PCDHGA6: variants seen among roughly 807,000 people sequenced by gnomAD.
PCDHGA6 encodes the protein protocadherin gamma-A6.
A neutral mutation model predicts 60.6 loss-of-function variants in PCDHGA6; 41 were observed. That is an observed-to-expected ratio of 0.68 (90% CI 0.53 to 0.88). The LOEUF (loss-of-function observed/expected upper bound fraction) is 0.88, where lower values mean the gene tolerates loss of function less well. Ranked by LOEUF, PCDHGA6 falls within the 40% of genes least tolerant of loss-of-function variation. The pLI is 0.00. For missense variants in PCDHGA6, 1,312 were observed against 1,203.0 expected (o/e 1.09, Z -1.34); for synonymous variants, 594 against 524.4 (o/e 1.13, Z -1.81).
chr5:141,380,065 A>G (rs569464120), intron 1 of PCDHGA6, among the ~76,000 whole-genome samples: 1 of 151,950 alleles, frequency 6.6e-6, no homozygotes, highest in East Asian at 1.9e-4. Context: ...ATGCCTAGCT[A>G]ATTTTCATAC....
At chr5:141,418,072 G>A in intron 1 of PCDHGA6, 1 of 1,614,058 alleles carries the variant, frequency 6.2e-7, no homozygotes, top group Non-Finnish European at 8.5e-7. Context: ...TGAGCGCGGA[G>A]AAGCTGCACT....
At chr5:141,414,481 C>T (rs1011579090) in intron 1 of PCDHGA6, 2 of 1,613,948 alleles carry the variant, frequency 1.2e-6, no homozygotes, top group Non-Finnish European at 1.7e-6. Context: ...AAGTCCTCCT[C>T]TATCAACGGA....
chr5:141,389,850 GC>G (rs757946267), intron 1 of PCDHGA6: 1 of 1,614,070 alleles, frequency 6.2e-7, no homozygotes, highest in Non-Finnish European at 8.5e-7. Context: ...CTCGGCCACT[GC>G]CACGTTGCAC....
rs766885846 is a variant in PCDHGA6 at position 141,393,434 on chromosome 5, TCAC to T, written c.2424+16932_2424+16934del. The stretch of plus-strand genomic sequence containing the variant: ...CCCTGGACAGGGAGGAAGAGGCTGC[TCAC>T]CACCTGGTCCTCACGGCCTCGGATG... On this transcript the variant is annotated intron_variant, in intron 1 of 3. Coordinates refer to ENST00000517434, the MANE Select transcript of PCDHGA6 (RefSeq NM_018919.3). 11 of 1,613,902 alleles carry T rather than the reference TCAC, an allele frequency of 6.8e-6. No individual in the cohort carries two copies. The African/African-American group carries it at 1.2e-4, about 18-fold the overall frequency.
chr5:141,397,199 T>A (rs1317536621), intron 1 of PCDHGA6, among the ~76,000 whole-genome samples: 1 of 152,156 alleles, frequency 6.6e-6, no homozygotes, highest in Non-Finnish European at 1.5e-5. Context: ...GTAAAAGATA[T>A]GACATAAGAG....
intron 1 of PCDHGA6, chr5:141,398,862 C>T (rs771326288): frequency 1.9e-5 from 31 of 1,613,848 alleles, no homozygotes; most frequent in Non-Finnish European, 2.6e-5. Flanking sequence ...TCAACCGAGA[C>T]GTGTACAGAG....
chr5:141,376,685 T>G lies in PCDHGA6; in HGVS notation c.2424+178T>G, dbSNP rs866718563. On this transcript the variant is annotated intron_variant, in intron 1 of 3. Coordinates refer to ENST00000517434, the MANE Select transcript of PCDHGA6 (RefSeq NM_018919.3). The stretch of plus-strand genomic sequence containing the variant: ...TTCAGGTGAGGGTATCGTTTTTTTT[T>G]TTTTTTTTTTTTGAGACGGAGTCTC... The G allele has an allele frequency of 7.7e-4, 627 of 813,788 alleles. 5 individuals carry two copies. In the African/African-American group the frequency reaches 9.6e-3, roughly 12 times the overall value. 50.4% of individuals were successfully genotyped at this position (813,788 alleles called of 1,614,324 possible).
intron 2 of PCDHGA6, among the ~76,000 whole-genome samples, chr5:141,501,052 A>G (rs1007055288): frequency 6.6e-6 from 1 of 151,988 alleles, no homozygotes; most frequent in Non-Finnish European, 1.5e-5. Flanking sequence ...TATTTTTAGT[A>G]GAGACGGGGT....
intron 1 of PCDHGA6, chr5:141,382,935 A>C: frequency 6.3e-7 from 1 of 1,589,148 alleles, no homozygotes; most frequent in Non-Finnish European, 8.6e-7. Flanking sequence ...ACTACAGAGG[A>C]TTCTTCCTGC....
chr5:141,486,828 G>A lies in PCDHGA6; in HGVS notation c.2425-7979G>A, dbSNP rs140257646. 77 of 1,614,218 alleles carry A rather than the reference G, an allele frequency of 4.8e-5. 1 individual carries two copies. In the East Asian group the frequency reaches 1.2e-3, roughly 26 times the overall value. On this transcript the variant is annotated intron_variant, in intron 1 of 3. Transcript: ENST00000517434. This position sits in a 1 kb window ranked among gnomAD's most constrained non-coding sequence, Gnocchi z 5.0. ...CCCCTTAGCAGCACTGTAACAGTTCGTCTATTTGTGCTGGACCTCAATGAC... is the reference window on the plus strand; with the variant it reads ...CCCCTTAGCAGCACTGTAACAGTTCATCTATTTGTGCTGGACCTCAATGAC...
Position 141,493,876 on chromosome 5 carries a change from G to T in PCDHGA6, c.2425-931G>T, listed in dbSNP as rs2099750541. 6.6e-6 allele frequency among the ~76,000 whole-genome samples: 1 copy of T among 152,194 alleles called. No homozygotes were observed. ...CAGCCCACCCCAGAACCAGTGAGGA[G>T]GTGGCTCTAGGAGTGCTCCATGAGA... On this transcript the variant is annotated intron_variant, in intron 1 of 3. Transcript: ENST00000517434. The surrounding 1 kb of genome is among the most constrained non-coding windows in gnomAD (Gnocchi z 4.3).
intron 1 of PCDHGA6, among the ~76,000 whole-genome samples, chr5:141,458,869 A>G (rs2154566384): frequency 6.6e-6 from 1 of 152,264 alleles, no homozygotes; most frequent in East Asian, 1.9e-4. Context: ...AGTAGCTGGG[A>G]CTACAGGCAT....
intron 1 of PCDHGA6, chr5:141,411,845 G>C (rs984420523): frequency 6.6e-6 from 1 of 151,920 alleles, no homozygotes; most frequent in Non-Finnish European, 1.5e-5. Context: ...AGGTGACAGA[G>C]TGAGACCCTG....
chr5:141,430,578 C>A (rs1561846151), intron 1 of PCDHGA6: 8 of 470,816 alleles, frequency 1.7e-5, no homozygotes, highest in East Asian at 1.0e-4. Flanking sequence ...AGCGGAGATC[C>A]TGCTCGCCTT....
intron 1 of PCDHGA6, chr5:141,395,542 TTG>T (rs55729045): frequency 0.047 from 8,055 of 172,168 alleles, 192 homozygotes; most frequent in African/African-American, 0.072. Flanking sequence ...TTGCTATTGT[TTG>T]TGTGTGTGTG....
chr5:141,374,740 C>A lies in PCDHGA6; in HGVS notation c.657C>A (p.Asp219Glu), dbSNP rs1337639511. Residue 219 changes from aspartate to glutamate, a missense_variant, in exon 1 of 4, where the codon GAC becomes GAA. Transcript: ENST00000517434. ...TCCTTACTGCCATGGATGGCGGCGA[C>A]CCTGTCCGCTCAAGCGTCGCCCAAA... ...RLVLTAMDGGDPVRSSVAQIL... is the reference protein window; with the variant it reads ...RLVLTAMDGGEPVRSSVAQIL... The A allele has an allele frequency of 6.2e-7, 1 of 1,611,592 alleles. No homozygotes were observed. The highest frequency in any genetic ancestry group is 1.7e-5 in the Admixed American group (1 of 59,532).
intron 2 of PCDHGA6, among the ~76,000 whole-genome samples, chr5:141,499,192 C>T (rs1048812227): frequency 1.1e-4 from 17 of 152,106 alleles, no homozygotes; most frequent in South Asian, 2.1e-4. Flanking sequence ...CCATTTCCCC[C>T]TTCTTAGGCT....
Position 141,489,316 on chromosome 5 carries a change from T to C in PCDHGA6, c.2425-5491T>C, listed in dbSNP as rs2099685399. On this transcript the variant is annotated intron_variant, in intron 1 of 3. Transcript: ENST00000517434. This position sits in a 1 kb window ranked among gnomAD's most constrained non-coding sequence, Gnocchi z 4.5. The stretch of plus-strand genomic sequence containing the variant: ...CATGTTGTCCTTGTGCTGCTGGGGC[T>C]GGGTGTCTGGGCAGCTTCGTTACTC... The C allele has an allele frequency of 1.3e-6, 2 of 1,597,946 alleles. No individual in the cohort carries two copies. Among genetic ancestry groups the C allele is most frequent in the Admixed American group, 1.7e-5 (1 of 58,864 alleles).
intron 1 of PCDHGA6, chr5:141,410,146 C>G: frequency 6.2e-7 from 1 of 1,612,390 alleles, no homozygotes. Flanking sequence ...CTGTGCGTGA[C>G]GGTGGACAGC....
Sources: gnomAD v4.1 joint callset for allele counts (sites outside exome capture counted in the v4.1 genomes callset) on GRCh38, gnomAD v4.1.1 for gene constraint, Gnocchi (gnomAD v3.1) non-coding constraint, MANE v1.5 for transcripts, NCBI Gene and HGNC (gene_info 2026-07-23, HGNC 2026-07-21) for gene names.